PCDHB14: variants seen among roughly 807,000 people sequenced by gnomAD.
The protein encoded by PCDHB14 is protocadherin beta 14.
For missense variants in PCDHB14, 1,129 were observed against 1,000.5 expected (o/e 1.13, Z -1.73); for synonymous variants, 511 against 441.5 (o/e 1.16, Z -1.97).
chr5:141,225,195 C>G lies in PCDHB14; in HGVS notation c.1690C>G (p.Pro564Ala). ...ANDNSPFVLY[P>A]LQNGSAPCTE... ...CGACAACTCGCCCTTCGTGCTGTAC[C>G]CGCTGCAGAACGGCTCCGCGCCCTG... The change falls in exon 1 of 1, where the codon CCG becomes GCG. Residue 564 changes from proline to alanine, a missense_variant. Coordinates refer to ENST00000239449, the MANE Select transcript of PCDHB14 (RefSeq NM_018934.4). 1 of 1,609,240 alleles carries G rather than the reference C, an allele frequency of 6.2e-7. No individual in the cohort carries two copies. The highest frequency in any genetic ancestry group is 8.5e-7 in the Non-Finnish European group (1 of 1,179,448).
chr5:141,226,007 G>A lies in PCDHB14; in HGVS notation c.*105G>A. Reference sequence around the variant, plus strand: ...TTGGTTGTACTGTAGTTGCATGCATGATTATAGCTCTTGTTTTTCTCACAG... The same window carrying A: ...TTGGTTGTACTGTAGTTGCATGCATAATTATAGCTCTTGTTTTTCTCACAG... On this transcript the variant is annotated 3_prime_UTR_variant, in exon 1 of 1. Coordinates refer to ENST00000239449, the MANE Select transcript of PCDHB14 (RefSeq NM_018934.4). 2 of 985,234 alleles carry A rather than the reference G, an allele frequency of 2.0e-6. No individual in the cohort carries two copies. Among genetic ancestry groups the A allele is most frequent in the Non-Finnish European group, 3.0e-6 (2 of 663,304 alleles). The allele number at this position is 985,234 out of a possible 1,614,324, so 61.0% of individuals were successfully genotyped here.
rs782635426 is a variant in PCDHB14, at chr5:141,224,684, G to C, written c.1179G>C (p.Leu393=). ...TTCAAGATAACCTCCCTTTTTTCCT[G>C]AAACCGACCTTCAAGAACTTTTTCA... ...CSIQDNLPFF[L]KPTFKNFFTL... The change falls in exon 1 of 1, where the codon CTG becomes CTC. Residue 393 remains leucine (L), a synonymous_variant. Coordinates refer to ENST00000239449, the MANE Select transcript of PCDHB14 (RefSeq NM_018934.4). 1.9e-6 allele frequency: 3 copies of C among 1,613,510 alleles called. No homozygotes were observed. The highest frequency in any genetic ancestry group is 1.7e-6 in the Non-Finnish European group (2 of 1,179,828).
Position 141,225,404 on chromosome 5 carries a change from C to A in PCDHB14, c.1899C>A (p.Arg633=), listed in dbSNP as rs200881254. ...GCACCGCCAGGCTGCTGAGCGAGCG[C>A]GACGCGGCCAAGCACAGGCTGGTGG... ...EVRTARLLSE[R]DAAKHRLVVL... The change falls in exon 1 of 1, where the codon CGC becomes CGA. Residue 633 remains arginine (R), a synonymous_variant. Coordinates refer to ENST00000239449, the MANE Select transcript of PCDHB14 (RefSeq NM_018934.4). 685 of 1,600,532 alleles carry A rather than the reference C, an allele frequency of 4.3e-4. No individual in the cohort carries two copies. The highest frequency in any genetic ancestry group is 4.7e-4 in the Non-Finnish European group (553 of 1,176,118).
Position 141,224,409 on chromosome 5 carries a change from A to T in PCDHB14, c.904A>T (p.Asn302Tyr), listed in dbSNP as rs782685941. 3.7e-6 allele frequency: 6 copies of T among 1,606,822 alleles called. No individual in the cohort carries two copies. Among genetic ancestry groups the T allele is most frequent in the African/African-American group, 1.3e-5 (1 of 74,532 alleles). ...AATTAATCCAATATCTGGGGAAGTT[A>T]ATTTGAGATCACCCCTGGATTTTGA... ...FEINPISGEVNLRSPLDFEVI... is the reference protein window; with the variant it reads ...FEINPISGEVYLRSPLDFEVI... The change falls in exon 1 of 1, where the codon AAT (asparagine) becomes TAT (tyrosine). Residue 302 changes from asparagine (N) to tyrosine (Y), a missense_variant. Physicochemically the swap from Asn to Tyr is moderately radical, Grantham distance 143 (BLOSUM62 -2). Transcript: ENST00000239449.
rs3896535 is a variant in PCDHB14 at position 141,225,560 on chromosome 5, C to T, written c.2055C>T (p.Ser685=). The change falls in exon 1 of 1, where the codon TCC becomes TCT. Residue 685 remains serine (S), a synonymous_variant. Transcript: ENST00000239449. ...EAAPAQAQAD[S]LTVYLVVALA... ...CCCCGGCCCAGGCCCAGGCCGACTC[C>T]CTCACCGTCTACCTGGTGGTGGCAT... The T allele has an allele frequency of 6.8e-6, 11 of 1,610,858 alleles. No individual in the cohort carries two copies. The highest frequency in any genetic ancestry group is 6.7e-5 in the Admixed American group (4 of 59,998).
In PCDHB14 at chr5:141,223,770, A is replaced by G. The variant is rs782337761; in HGVS notation, c.265A>G (p.Lys89Glu). 4.3e-6 allele frequency: 7 copies of G among 1,614,012 alleles called. No individual in the cohort carries two copies. Among genetic ancestry groups the G allele is most frequent in the Non-Finnish European group, 5.9e-6 (7 of 1,180,038 alleles). Residue 89 changes from lysine (K) to glutamate (E), a missense_variant, in exon 1 of 1, where the codon AAA (lysine) becomes GAA (glutamate). Coordinates refer to ENST00000239449, the MANE Select transcript of PCDHB14 (RefSeq NM_018934.4). ...LLTGNLLLNE[K>E]LDRDELCGST... The stretch of plus-strand genomic sequence containing the variant: ...GACTGGGAATTTGCTCCTAAATGAG[A>G]AACTAGACCGAGACGAGCTGTGTGG...
At position 141,223,540 on chromosome 5, in the gene PCDHB14, G is replaced by C. The variant is rs371630709; in HGVS notation, c.35G>C (p.Arg12Thr). The C allele has an allele frequency of 6.2e-7, 1 of 1,613,114 alleles. No individual in the cohort carries two copies. The highest frequency in any genetic ancestry group is 1.3e-5 in the African/African-American group (1 of 74,864). Residue 12 changes from arginine (R) to threonine (T), a missense_variant, in exon 1 of 1, where the codon AGG (arginine) becomes ACG (threonine). By Grantham distance (71) the Arg-to-Thr change is moderately conservative. Coordinates refer to ENST00000239449, the MANE Select transcript of PCDHB14 (RefSeq NM_018934.4). ...AGAGGGGCACTCGATCTGCGAAAAA[G>C]GCAAGTTCTAATATTCCTTGTTTTG... Reference protein sequence around the residue: ...EIRGALDLRKRQVLIFLVLLG... With the variant: ...EIRGALDLRKTQVLIFLVLLG...
chr5:141,225,563 C>T lies in PCDHB14; in HGVS notation c.2058C>T (p.Leu686=), dbSNP rs782195133. Reference sequence around the variant, plus strand: ...CGGCCCAGGCCCAGGCCGACTCCCTCACCGTCTACCTGGTGGTGGCATTGG... The same window carrying T: ...CGGCCCAGGCCCAGGCCGACTCCCTTACCGTCTACCTGGTGGTGGCATTGG... ...AAPAQAQADS[L]TVYLVVALAS... is the part of the protein sequence containing the mutation. The change falls in exon 1 of 1, where the codon CTC becomes CTT. Residue 686 remains leucine, a synonymous_variant. Transcript: ENST00000239449. 1.9e-5 allele frequency: 30 copies of T among 1,610,916 alleles called. No homozygotes were observed. The highest frequency in any genetic ancestry group is 1.6e-5 in the Non-Finnish European group (19 of 1,179,796).
At position 141,227,537 on chromosome 5, in the gene PCDHB14, G is replaced by A. The variant is rs1298212514; in HGVS notation, c.*1635G>A. On this transcript the variant is annotated 3_prime_UTR_variant, in exon 1 of 1. Transcript: ENST00000239449. ...TAGGGCTGGTGTACATATACATTTT[G>A]AAATTGCTCTTACAAGATTAAATAC... The A allele has an allele frequency of 1.1e-4, 16 of 152,158 alleles. No homozygotes were observed. Among genetic ancestry groups the A allele is most frequent in the Non-Finnish European group, 1.9e-4 (13 of 68,018 alleles). 9.4% of individuals were successfully genotyped at this position (152,158 alleles called of 1,614,324 possible). A position where few individuals can be genotyped will look rare whatever the true frequency, so the allele number is the denominator to read the frequency against.
In PCDHB14 at chr5:141,226,296, C is replaced by G. The variant is rs1460010493; in HGVS notation, c.*394C>G. On this transcript the variant is annotated 3_prime_UTR_variant, in exon 1 of 1. Transcript: ENST00000239449. Reference sequence around the variant, plus strand: ...ATAAAAAGCGTTGCTGAATCTGGGTCGAAAATGTAGTGCGTTTATCCCACT... The same window carrying G: ...ATAAAAAGCGTTGCTGAATCTGGGTGGAAAATGTAGTGCGTTTATCCCACT... 1 of 175,956 alleles carries G rather than the reference C, an allele frequency of 5.7e-6. No individual in the cohort carries two copies. The allele number at this position is 175,956 out of a possible 1,614,324, so 10.9% of individuals were successfully genotyped here.
chr5:141,227,574 A>G lies in PCDHB14; in HGVS notation c.*1672A>G, dbSNP rs1754885559. The G allele has an allele frequency of 6.6e-6, 1 of 152,236 alleles. No individual in the cohort carries two copies. The highest frequency in any genetic ancestry group is 2.1e-4 in the South Asian group (1 of 4,834). The allele number at this position is 152,236 out of a possible 1,614,324, so 9.4% of individuals were successfully genotyped here. A position where few individuals can be genotyped will look rare whatever the true frequency, so the allele number is the denominator to read the frequency against. ...ACAAGATTAAATACTATTATAGACC[A>G]GATGATGTAGTAAAATGGAATTTCA... On this transcript the variant is annotated 3_prime_UTR_variant, in exon 1 of 1. Coordinates refer to ENST00000239449, the MANE Select transcript of PCDHB14 (RefSeq NM_018934.4).
rs1366693325 is a variant in PCDHB14 at position 141,227,531 on chromosome 5, C to T, written c.*1629C>T. ...TGGATATAGGGCTGGTGTACATATA[C>T]ATTTTGAAATTGCTCTTACAAGATT... On this transcript the variant is annotated 3_prime_UTR_variant, in exon 1 of 1. Coordinates refer to ENST00000239449, the MANE Select transcript of PCDHB14 (RefSeq NM_018934.4). 6.6e-6 allele frequency: 1 copy of T among 152,130 alleles called. No homozygotes were observed. The highest frequency in any genetic ancestry group is 2.4e-5 in the African/African-American group (1 of 41,420). The allele number at this position is 152,130 out of a possible 1,614,324, so 9.4% of individuals were successfully genotyped here.
In PCDHB14 at chr5:141,225,067, A is replaced by T. The variant is rs782707491; in HGVS notation, c.1562A>T (p.Tyr521Phe). Residue 521 changes from tyrosine (Y) to phenylalanine (F), a missense_variant, in exon 1 of 1, where the codon TAC becomes TTC. By Grantham distance (22) the Tyr-to-Phe change is conservative. Coordinates refer to ENST00000239449, the MANE Select transcript of PCDHB14 (RefSeq NM_018934.4). ...GHLFALRSLD[Y>F]EALQEFEFRV... The stretch of plus-strand genomic sequence containing the variant: ...CTGTTTGCCCTCAGGTCGCTGGACT[A>T]CGAGGCCCTACAGGAGTTCGAGTTT... The T allele has an allele frequency of 1.7e-5, 27 of 1,612,304 alleles. No homozygotes were observed. The highest frequency in any genetic ancestry group is 2.2e-5 in the Non-Finnish European group (26 of 1,179,908).
At position 141,223,850 on chromosome 5, in the gene PCDHB14, G is replaced by T. The variant is rs1563998281; in HGVS notation, c.345G>T (p.Gln115His). The T allele has an allele frequency of 6.2e-7, 1 of 1,613,184 alleles. No homozygotes were observed. The highest frequency in any genetic ancestry group is 8.5e-7 in the Non-Finnish European group (1 of 1,179,740). ...HFQVVLENPL[Q>H]FFRFELCVKD... ...AGGTGGTTTTGGAAAACCCTTTACA[G>T]TTTTTTCGGTTTGAGCTGTGTGTCA... is the stretch of plus-strand genomic sequence containing the variant. Residue 115 changes from glutamine (Q) to histidine (H), a missense_variant, in exon 1 of 1, where the codon CAG becomes CAT. Transcript: ENST00000239449.
chr5:141,225,932 G>A lies in PCDHB14; in HGVS notation c.*30G>A, dbSNP rs782420667. On this transcript the variant is annotated 3_prime_UTR_variant, in exon 1 of 1. Coordinates refer to ENST00000239449, the MANE Select transcript of PCDHB14 (RefSeq NM_018934.4). ...ATTTATTTTAAATGTCTAATTTTTGGTTATTCTTGGCAAGCTGATGGTACT... is the reference window on the plus strand; with the variant it reads ...ATTTATTTTAAATGTCTAATTTTTGATTATTCTTGGCAAGCTGATGGTACT... 3 of 1,560,560 alleles carry A rather than the reference G, an allele frequency of 1.9e-6. No individual in the cohort carries two copies. The highest frequency in any genetic ancestry group is 1.4e-5 in the African/African-American group (1 of 73,282).
rs76971158 is a variant in PCDHB14 at position 141,225,122 on chromosome 5, G to C, written c.1617G>C (p.Pro539=). 1 of 1,611,800 alleles carries C rather than the reference G, an allele frequency of 6.2e-7. No individual in the cohort carries two copies. Among genetic ancestry groups the C allele is most frequent in the Non-Finnish European group, 8.5e-7 (1 of 1,179,818 alleles). ...FRVGATDRGS[P]ALSSEALVRV... ...TGGGCGCCACAGACCGCGGGTCCCC[G>C]GCGTTGAGCAGCGAGGCGCTGGTGC... Residue 539 remains proline (P), a synonymous_variant, in exon 1 of 1, where the codon CCG becomes CCC. Transcript: ENST00000239449.
rs1158545334 is a variant in PCDHB14, at chr5:141,227,463, A to G, written c.*1561A>G. 6.6e-6 allele frequency: 1 copy of G among 152,224 alleles called. No homozygotes were observed. The highest frequency in any genetic ancestry group is 2.4e-5 in the African/African-American group (1 of 41,454). The allele number at this position is 152,224 out of a possible 1,614,324, so 9.4% of individuals were successfully genotyped here. ...TATCTCAGCTCTAAAAGAAAGTTCT[A>G]TAGAAGATTATAGATAGAGATTTTG... On this transcript the variant is annotated 3_prime_UTR_variant, in exon 1 of 1. Transcript: ENST00000239449.
Position 141,224,741 on chromosome 5 carries a change from GAGCCA to G in PCDHB14, c.1241_1245del (p.Gln414ArgfsTer28). The stretch of plus-strand genomic sequence containing the variant: ...TTTCTGAAAAAGCACTGGACAGAGA[GAGCCA>G]AGCCGAGTACAACATCACGATCACC... On this transcript the variant is annotated frameshift_variant, in exon 1 of 1. Transcript: ENST00000239449. LOFTEE classifies it low-confidence loss of function (END_TRUNC). The G allele has an allele frequency of 6.2e-7, 1 of 1,614,156 alleles. No homozygotes were observed. Among genetic ancestry groups the G allele is most frequent in the Admixed American group, 1.7e-5 (1 of 60,020 alleles).
Position 141,223,775 on chromosome 5 carries a change from A to G in PCDHB14, c.270A>G (p.Leu90=). 1 of 1,614,168 alleles carries G rather than the reference A, an allele frequency of 6.2e-7. No individual in the cohort carries two copies. ...GGAATTTGCTCCTAAATGAGAAACTAGACCGAGACGAGCTGTGTGGCTCCA... is the reference window on the plus strand; with the variant it reads ...GGAATTTGCTCCTAAATGAGAAACTGGACCGAGACGAGCTGTGTGGCTCCA... ...LTGNLLLNEK[L]DRDELCGSTE... The change falls in exon 1 of 1, where the codon CTA becomes CTG. Residue 90 remains leucine, a synonymous_variant. Transcript: ENST00000239449.
Sources: gnomAD v4.1 joint callset for allele counts on GRCh38, gnomAD v4.1.1 for gene constraint, MANE v1.5 for transcripts, NCBI Gene and HGNC (gene_info 2026-07-23, HGNC 2026-07-21) for gene names.